The following SNX2 variants were observed in gnomAD, a reference collection of about 807,000 sequenced individuals.
SNX2 encodes sorting nexin 2, also known as sorting nexin-2.
SNX2 carries 25 observed loss-of-function variants against 69.9 expected under a neutral mutation model. The ratio of observed to expected loss-of-function variants is 0.36; its 90% confidence interval spans 0.26 to 0.50. SNX2 has a LOEUF of 0.50. SNX2 is among the 20% of genes least tolerant of loss of function. The pLI, the probability that SNX2 is intolerant of heterozygous loss-of-function variation, is 0.97. For synonymous variants in SNX2, 229 were observed against 200.4 expected (o/e 1.14, Z -1.20); for missense variants, 551 against 613.3 (o/e 0.90, Z 1.07).
intron 2 of SNX2, among the ~76,000 whole-genome samples, chr5:122,797,173 C>T (rs149306658): frequency 4.6e-5 from 7 of 152,332 alleles, no homozygotes; most frequent in Non-Finnish European, 8.8e-5. Context: ...AACAGTCCTC[C>T]CACCTGGGTC....
chr5:122,826,027 A>G lies in SNX2; in HGVS notation c.1213-23A>G, dbSNP rs754032470. ...ATTTTAAATGTTACTCTTACTTAAT[A>G]GCATTATGTCATTCACTTATAGGGT... is the stretch of plus-strand genomic sequence containing the variant. On this transcript the variant is annotated intron_variant, in intron 11 of 14. Transcript: ENST00000379516. 7 of 1,595,312 alleles carry G rather than the reference A, an allele frequency of 4.4e-6. No homozygotes were observed. In the African/African-American group the frequency reaches 9.4e-5, roughly 21 times the overall value.
rs1316119658 is a variant in SNX2 at position 122,795,333 on chromosome 5, C to T, written c.176C>T (p.Pro59Leu). Residue 59 changes from proline (P) to leucine (L), a missense_variant, in exon 2 of 15, where the codon CCA (proline) becomes CTA (leucine). Transcript: ENST00000379516. The stretch of plus-strand genomic sequence containing the variant: ...GATATTAGTGCAAACTCCAATGGCC[C>T]AAAACCCACAGAAGTTGTATTAGAT... ...AEDISANSNG[P>L]KPTEVVLDDD... 1.4e-5 allele frequency: 22 copies of T among 1,613,752 alleles called. No individual in the cohort carries two copies. Among genetic ancestry groups the T allele is most frequent in the Non-Finnish European group, 1.8e-5 (21 of 1,179,798 alleles).
intron 1 of SNX2, among the ~76,000 whole-genome samples, chr5:122,780,549 A>G (rs1752955113): frequency 6.6e-6 from 1 of 150,890 alleles, no homozygotes. Context: ...AAAAGTATAT[A>G]TAACTTGTTT....
At chr5:122,825,085 C>T (rs1416087273) in intron 11 of SNX2, among the ~76,000 whole-genome samples, 1 of 152,214 alleles carries the variant, frequency 6.6e-6, no homozygotes, top group East Asian at 1.9e-4. Context: ...ATATTTTTCT[C>T]TTCAGATCCC....
intron 1 of SNX2, among the ~76,000 whole-genome samples, chr5:122,780,703 GGGATTACA>G (rs1251177739): frequency 6.6e-6 from 1 of 151,558 alleles, no homozygotes; most frequent in Non-Finnish European, 1.5e-5. Context: ...CCACGTAGCT[GGGATTACA>G]GGTGCACGCC....
intron 2 of SNX2, chr5:122,795,623 TTTGA>T (rs1753359826): frequency 3.0e-6 from 1 of 336,750 alleles, no homozygotes; most frequent in Non-Finnish European, 5.4e-6. Context: ...TATATTATAA[TTTGA>T]TTGGGGGCAG....
chr5:122,824,255 T>A (rs983966060), intron 11 of SNX2, among the ~76,000 whole-genome samples: 2 of 151,630 alleles, frequency 1.3e-5, no homozygotes, highest in African/African-American at 4.8e-5. Context: ...ATTTTTTTTT[T>A]AAAGCTCATC....
intron 10 of SNX2, 139 bp from the exon 11 acceptor site, chr5:122,818,679 G>T: frequency 1.5e-6 from 1 of 680,366 alleles, no homozygotes; most frequent in Non-Finnish European, 2.4e-6. Flanking sequence ...ACGACTAATT[G>T]TTTCATATTA....
chr5:122,790,250 C>G (rs1753200834), intron 1 of SNX2, among the ~76,000 whole-genome samples: 1 of 152,206 alleles, frequency 6.6e-6, no homozygotes, highest in South Asian at 2.1e-4. Flanking sequence ...TCCCAAGTAG[C>G]TGGGACTACA....
At chr5:122,780,101 G>T (rs1259713764) in intron 1 of SNX2, among the ~76,000 whole-genome samples, 1 of 152,194 alleles carries the variant, frequency 6.6e-6, no homozygotes, top group Admixed American at 6.5e-5. Flanking sequence ...TTCACTTGAG[G>T]TTATGTTATA....
intron 8 of SNX2, among the ~76,000 whole-genome samples, 181 bp from the exon 9 acceptor site, chr5:122,816,734 A>AG (rs1462162638): frequency 6.7e-6 from 1 of 149,314 alleles, no homozygotes; most frequent in Non-Finnish European, 1.5e-5. Flanking sequence ...AGAATGTACA[A>AG]GTAGTATATT....
At position 122,831,979 on chromosome 5, in the gene SNX2, T is replaced by C. The variant is rs143122878; in HGVS notation, c.*2331T>C. 1.1e-3 allele frequency among the ~76,000 whole-genome samples: 166 copies of C among 152,336 alleles called. 1 individual carries two copies. Among genetic ancestry groups the C allele is most frequent in the Admixed American group, 4.4e-3 (67 of 15,300 alleles). ...GATACCTACCAGTATTTAAACAGGATTTAATTATTTCAACACTTCACCCAT... is the reference window on the plus strand; with the variant it reads ...GATACCTACCAGTATTTAAACAGGACTTAATTATTTCAACACTTCACCCAT... On this transcript the variant is annotated 3_prime_UTR_variant, in exon 15 of 15. Coordinates refer to ENST00000379516, the MANE Select transcript of SNX2 (RefSeq NM_003100.4).
At chr5:122,820,870 G>T (rs1270501883) in intron 11 of SNX2, among the ~76,000 whole-genome samples, 1 of 152,058 alleles carries the variant, frequency 6.6e-6, no homozygotes, top group East Asian at 1.9e-4. Flanking sequence ...TAATCCAGAG[G>T]CTTCTAAATT....
intron 1 of SNX2, among the ~76,000 whole-genome samples, chr5:122,790,859 C>A (rs1489125635): frequency 6.6e-6 from 1 of 152,140 alleles, no homozygotes; most frequent in Non-Finnish European, 1.5e-5. Context: ...ACTTCCTTTT[C>A]TTGTCTTTTT....
At chr5:122,828,668 G>A (rs561995817) in intron 14 of SNX2, among the ~76,000 whole-genome samples, 9 of 152,020 alleles carry the variant, frequency 5.9e-5, no homozygotes, top group Admixed American at 2.6e-4. Context: ...ACTGTTCTGT[G>A]TAAAATTTTG....
At chr5:122,785,494 G>C (rs1581624354) in intron 1 of SNX2, among the ~76,000 whole-genome samples, 1 of 123,250 alleles carries the variant, frequency 8.1e-6, no homozygotes, top group Non-Finnish European at 1.7e-5. Flanking sequence ...TCATTGATTT[G>C]AGACTTTTCT....
chr5:122,824,896 T>A (rs1284517799), intron 11 of SNX2, among the ~76,000 whole-genome samples: 1 of 152,180 alleles, frequency 6.6e-6, no homozygotes, highest in Non-Finnish European at 1.5e-5. Flanking sequence ...TGCAATAATA[T>A]ACTCCTTATG....
intron 2 of SNX2, among the ~76,000 whole-genome samples, chr5:122,797,705 T>C (rs1753415346): frequency 6.6e-6 from 1 of 152,148 alleles, no homozygotes; most frequent in Admixed American, 6.5e-5. Flanking sequence ...ATTGACATAA[T>C]CAGTTCATAC....
chr5:122,794,047 A>G (rs1248053920), intron 1 of SNX2, among the ~76,000 whole-genome samples: 1 of 151,978 alleles, frequency 6.6e-6, no homozygotes, highest in Non-Finnish European at 1.5e-5. Context: ...AGAGTGGCTC[A>G]TTCCTGTGAT....
Sources: gnomAD v4.1 joint callset for allele counts (sites outside exome capture counted in the v4.1 genomes callset) on GRCh38, gnomAD v4.1.1 for gene constraint, MANE v1.5 for transcripts, NCBI Gene and HGNC (gene_info 2026-07-23, HGNC 2026-07-21) for gene names.